The following NAALADL2 variants were observed in gnomAD, a reference collection of about 807,000 sequenced individuals.
NAALADL2 encodes inactive N-acetylated-alpha-linked acidic dipeptidase-like protein 2.
Under a neutral mutation model 87.2 loss-of-function variants are expected in NAALADL2, and 76 were observed. The ratio of observed to expected loss-of-function variants is 0.87; its 90% CI spans 0.72 to 1.05. NAALADL2 has a LOEUF of 1.05. Ranked by LOEUF, NAALADL2 falls within the 50% of genes least tolerant of loss-of-function variation. The probability of loss-of-function intolerance (pLI) is 0.00; values close to 1 mark genes in which losing one functional copy is unlikely to be tolerated. For synonymous variants in NAALADL2, 354 were observed against 331.0 expected (o/e 1.07, Z -0.75); for missense variants, 1,089 against 945.8 (o/e 1.15, Z -1.99).
In NAALADL2 at chr3:175,755,308, T is replaced by G. The variant is rs765457115; in HGVS notation, c.2079T>G (p.Pro693=). Residue 693 remains proline, a synonymous_variant, in exon 13 of 14, where the codon CCT becomes CCG. Transcript: ENST00000454872. The part of the protein sequence containing the change: ...AELFQSDEMR[P]ANDPKERAPI... ...TTTTTCAGTCTGATGAGATGCGACC[T>G]GCTAATGATCCCAAGGAGAGAGCAC... is the stretch of plus-strand genomic sequence containing the variant. 1 of 1,613,686 alleles carries G rather than the reference T, an allele frequency of 6.2e-7. No homozygotes were observed. Among genetic ancestry groups the G allele is most frequent in the Non-Finnish European group, 8.5e-7 (1 of 1,179,788 alleles).
chr3:174,713,110 A>C (rs1472321372), intron 2 of NAALADL2, among the ~76,000 whole-genome samples: 1 of 152,188 alleles, frequency 6.6e-6, no homozygotes, highest in Non-Finnish European at 1.5e-5. Context: ...AGATTCATCC[A>C]TGTCCCTACA....
intron 2 of NAALADL2, among the ~76,000 whole-genome samples, chr3:174,648,516 T>C (rs1184252985): frequency 6.6e-6 from 1 of 152,106 alleles, no homozygotes; most frequent in Non-Finnish European, 1.5e-5. Flanking sequence ...ATATATTTCA[T>C]GGTTCCATAC....
At chr3:175,281,321 A>G (rs1754282122) in intron 4 of NAALADL2, among the ~76,000 whole-genome samples, 1 of 151,836 alleles carries the variant, frequency 6.6e-6, no homozygotes, top group Non-Finnish European at 1.5e-5. Flanking sequence ...ATTGCCAGTT[A>G]AGGTTTAATT....
At chr3:175,609,399 T>A (rs866982039) in intron 10 of NAALADL2, 15 of 152,202 alleles carry the variant, frequency 9.9e-5, no homozygotes, top group Middle Eastern at 6.3e-3. Flanking sequence ...AGTATTTATA[T>A]CATTGTCATA....
At chr3:175,555,570 T>C (rs1187901238) in intron 9 of NAALADL2, among the ~76,000 whole-genome samples, 1 of 152,170 alleles carries the variant, frequency 6.6e-6, no homozygotes, top group Non-Finnish European at 1.5e-5. Context: ...TCCTTGACAA[T>C]ATAAAATACA....
At chr3:175,095,285 C>T (rs1370088690) in intron 1 of NAALADL2, among the ~76,000 whole-genome samples, 2 of 151,944 alleles carry the variant, frequency 1.3e-5, no homozygotes, top group African/African-American at 2.4e-5. Context: ...AATCAATCAC[C>T]CCTGAGTTTC....
chr3:175,269,545 A>G (rs764067801), intron 4 of NAALADL2, among the ~76,000 whole-genome samples: 3 of 152,160 alleles, frequency 2.0e-5, no homozygotes, highest in Non-Finnish European at 4.4e-5. Flanking sequence ...CTTGACCAAA[A>G]TGACCTGTGC....
At chr3:175,077,282 TG>T (rs1227430991) in intron 1 of NAALADL2, among the ~76,000 whole-genome samples, 1 of 152,210 alleles carries the variant, frequency 6.6e-6, no homozygotes, top group African/African-American at 2.4e-5. Flanking sequence ...CCTAGAAATT[TG>T]GCTGTTTCTA....
chr3:175,662,692 T>A (rs1732427203), intron 11 of NAALADL2, among the ~76,000 whole-genome samples: 1 of 151,968 alleles, frequency 6.6e-6, no homozygotes, highest in Admixed American at 6.6e-5. Context: ...ATTGAGGGTT[T>A]TTATTGTGAA....
intron 1 of NAALADL2, among the ~76,000 whole-genome samples, chr3:174,473,832 C>A (rs770639345): frequency 1.3e-5 from 2 of 152,024 alleles, no homozygotes; most frequent in Non-Finnish European, 2.9e-5. Context: ...TCCATTCTTG[C>A]GCTGCTATGA....
chr3:175,755,329 A>G lies in NAALADL2; in HGVS notation c.2100A>G (p.Arg700=), dbSNP rs1747128112. 3 of 1,613,444 alleles carry G rather than the reference A, an allele frequency of 1.9e-6. No homozygotes were observed. The highest frequency in any genetic ancestry group is 1.3e-5 in the African/African-American group (1 of 74,914). ...EMRPANDPKE[R]APIRIRMLND... The stretch of plus-strand genomic sequence containing the variant: ...GACCTGCTAATGATCCCAAGGAGAG[A>G]GCACCCATCCGCATCCGGATGCTGA... The change falls in exon 13 of 14, where the codon AGA becomes AGG. Residue 700 remains arginine (R), a synonymous_variant. Coordinates refer to ENST00000454872, the MANE Select transcript of NAALADL2 (RefSeq NM_207015.3).
chr3:174,571,622 G>T (rs1232397975), intron 2 of NAALADL2, among the ~76,000 whole-genome samples: 3 of 152,014 alleles, frequency 2.0e-5, no homozygotes, highest in African/African-American at 7.2e-5. Context: ...CCAGTGATCT[G>T]CCTGCCTCGG....
intron 11 of NAALADL2, among the ~76,000 whole-genome samples, chr3:175,727,020 CT>C (rs1273297590): frequency 6.6e-5 from 10 of 152,146 alleles, no homozygotes; most frequent in Non-Finnish European, 1.3e-4. Flanking sequence ...GAGCCCAACT[CT>C]TTCATAATCA....
chr3:175,667,241 A>AAGAAAAAGAAAGAAAGAAAG (rs1182682303), intron 11 of NAALADL2, among the ~76,000 whole-genome samples: 5 of 91,700 alleles, frequency 5.5e-5, no homozygotes, highest in African/African-American at 2.5e-4. Context: ...GAAAGAAAGA[A>AAGAAAAAGAAAGAAAGAAAG]AAAGAAAGAA....
At chr3:175,221,784 TA>T (rs1743409874) in intron 2 of NAALADL2, among the ~76,000 whole-genome samples, 1 of 151,966 alleles carries the variant, frequency 6.6e-6, no homozygotes, top group African/African-American at 2.4e-5. Context: ...TTTATTTATT[TA>T]TTTTTTTGGA....
intron 2 of NAALADL2, among the ~76,000 whole-genome samples, chr3:174,699,646 A>G (rs1729366690): frequency 6.6e-6 from 1 of 152,140 alleles, no homozygotes; most frequent in Admixed American, 6.6e-5. Flanking sequence ...TTATGACATT[A>G]TATTTATGTA....
upstream of NAALADL2, among the ~76,000 whole-genome samples, chr3:174,854,452 A>G (rs1490261715): frequency 2.0e-5 from 3 of 152,154 alleles, no homozygotes; most frequent in Admixed American, 6.5e-5. Context: ...TAGAAGGAAT[A>G]AGATCTAGTG....
intron 13 of NAALADL2, among the ~76,000 whole-genome samples, chr3:175,789,401 C>T (rs1752510392): frequency 1.3e-5 from 2 of 152,162 alleles, no homozygotes; most frequent in Admixed American, 1.3e-4. Flanking sequence ...CTAACCATCA[C>T]ATATGACTTA....
intron 1 of NAALADL2, among the ~76,000 whole-genome samples, chr3:174,995,474 A>T (rs972344275): frequency 5.3e-5 from 8 of 152,186 alleles, no homozygotes; most frequent in African/African-American, 1.9e-4. Flanking sequence ...TTGAACAAGC[A>T]TATCATTCAC....
Sources: gnomAD v4.1 joint callset for allele counts (sites outside exome capture counted in the v4.1 genomes callset) on GRCh38, gnomAD v4.1.1 for gene constraint, MANE v1.5 for transcripts, NCBI Gene and HGNC (gene_info 2026-07-23, HGNC 2026-07-21) for gene names.